Variants in HEY2 observed in about 807,000 individuals in gnomAD.
HEY2 encodes the protein hairy/enhancer-of-split related with YRPW motif protein 2.
A neutral mutation model predicts 18.1 loss-of-function variants in HEY2; 10 were observed. The ratio of observed to expected loss-of-function variants is 0.55; its 90% CI spans 0.34 to 0.94. The LOEUF is 0.94. Ranked by LOEUF, HEY2 falls within the 40% of genes least tolerant of loss-of-function variation. HEY2 has a pLI of 0.02. For synonymous variants in HEY2, 210 were observed against 182.7 expected (o/e 1.15, Z -1.21); for missense variants, 455 against 455.9 (o/e 1.00, Z 0.02).
rs1773766776 is a variant in HEY2 at position 125,760,102 on chromosome 6, G to A, written c.*300G>A. ...GACCGTACCATCCAGCAGTGCATCA[G>A]TATGTCTGAATTGGGGAAGTAAAAT... On this transcript the variant is annotated 3_prime_UTR_variant, in exon 5 of 5. Coordinates refer to ENST00000368364, the MANE Select transcript of HEY2 (RefSeq NM_012259.3). 2.7e-6 allele frequency: 1 copy of A among 370,642 alleles called. No individual in the cohort carries two copies. The highest frequency in any genetic ancestry group is 4.9e-6 in the Non-Finnish European group (1 of 204,372). 23.0% of individuals were successfully genotyped at this position (370,642 alleles called of 1,614,324 possible).
intron 1 of HEY2, among the ~76,000 whole-genome samples, chr6:125,751,014 C>A (rs1435437088): frequency 1.3e-5 from 2 of 152,104 alleles, no homozygotes; most frequent in Non-Finnish European, 2.9e-5. Context: ...AATTATGTGA[C>A]CAAATAATAC....
chr6:125,760,044 G>A lies in HEY2; in HGVS notation c.*242G>A, dbSNP rs1773764831. 2 of 545,050 alleles carry A rather than the reference G, an allele frequency of 3.7e-6. No homozygotes were observed. Among genetic ancestry groups the A allele is most frequent in the Non-Finnish European group, 6.5e-6 (2 of 307,308 alleles). The allele number at this position is 545,050 out of a possible 1,614,324, so 33.8% of individuals were successfully genotyped here. ...AGCAACTTTTGAAAACTTCACACTTGTTACCATTTAGAAGTTTCCTGGAAA... is the reference window on the plus strand; with the variant it reads ...AGCAACTTTTGAAAACTTCACACTTATTACCATTTAGAAGTTTCCTGGAAA... On this transcript the variant is annotated 3_prime_UTR_variant, in exon 5 of 5. Transcript: ENST00000368364.
In HEY2 at chr6:125,759,163, A is replaced by C; in HGVS notation, c.375A>C (p.Gly125=). ...TTGCCATGGACTTCATGAGCATAGG[A>C]TTCCGAGAGTGCCTAACAGAAGTTG... ...HALAMDFMSI[G]FRECLTEVAR... is the part of the protein sequence containing the mutation. Residue 125 remains glycine, a synonymous_variant, in exon 5 of 5, where the codon GGA becomes GGC. Transcript: ENST00000368364. 1.2e-6 allele frequency: 2 copies of C among 1,613,082 alleles called. No individual in the cohort carries two copies. The highest frequency in any genetic ancestry group is 1.7e-6 in the Non-Finnish European group (2 of 1,179,586).
At position 125,760,990 on chromosome 6, in the gene HEY2, G is replaced by A. The variant is rs936346238; in HGVS notation, c.*1188G>A. 2.0e-5 allele frequency: 3 copies of A among 152,470 alleles called. No individual in the cohort carries two copies. Among genetic ancestry groups the A allele is most frequent in the African/African-American group, 4.8e-5 (2 of 41,386 alleles). 9.4% of individuals were successfully genotyped at this position (152,470 alleles called of 1,614,324 possible). The stretch of plus-strand genomic sequence containing the variant: ...ATGGGGTTGTGGTTTTGTTTTTTTC[G>A]ATTTCGTTTAATGACAAAATAATCT... On this transcript the variant is annotated 3_prime_UTR_variant, in exon 5 of 5. Transcript: ENST00000368364.
intron 4 of HEY2, among the ~76,000 whole-genome samples, chr6:125,757,108 A>G (rs916546846): frequency 1.1e-4 from 16 of 152,348 alleles, no homozygotes; most frequent in African/African-American, 3.6e-4. Flanking sequence ...CTGTTAGTTC[A>G]TTCTTTATAG....
Position 125,759,325 on chromosome 6 carries a change from G to C in HEY2, c.537G>C (p.Pro179=). The C allele has an allele frequency of 6.2e-7, 1 of 1,604,938 alleles. No homozygotes were observed. The change falls in exon 5 of 5, where the codon CCG becomes CCC. Residue 179 remains proline, a synonymous_variant. Transcript: ENST00000368364. The part of the protein sequence containing the change: ...MTSSMAHHHH[P]LHPHHWAAAF... ...CCTCCATGGCCCACCACCATCATCC[G>C]CTCCACCCGCATCACTGGGCCGCCG...
intron 1 of HEY2, 45 bp from the exon 2 acceptor site, chr6:125,751,755 AT>A: frequency 3.9e-6 from 5 of 1,270,748 alleles, no homozygotes; most frequent in Non-Finnish European, 5.7e-6. Context: ...AGAAGAAACT[AT>A]TGTTATGTTA....
Position 125,749,855 on chromosome 6 carries a change from T to A in HEY2, c.79T>A (p.Ser27Thr), listed in dbSNP as rs775899596. Residue 27 changes from serine to threonine, a missense_variant, in exon 1 of 5, where the codon TCG becomes ACG. Physicochemically the swap from Ser to Thr is moderately conservative, Grantham distance 58. Coordinates refer to ENST00000368364, the MANE Select transcript of HEY2 (RefSeq NM_012259.3). ...TIDVGSENNY[S>T]GQSTSSVIRL... ...CGACGTGGGGAGCGAGAACAATTAC[T>A]CGGGGTGAGCGCGGGCTCCGCGGGA... 1 of 1,572,344 alleles carries A rather than the reference T, an allele frequency of 6.4e-7. No individual in the cohort carries two copies. The highest frequency in any genetic ancestry group is 1.2e-5 in the South Asian group (1 of 85,262).
At chr6:125,750,245 A>G (rs1562703474) in intron 1 of HEY2, 1 of 984,822 alleles carries the variant, frequency 1.0e-6, no homozygotes, top group African/African-American at 1.7e-5. Flanking sequence ...AAACAATTTG[A>G]TTTTTGATTT....
intron 3 of HEY2, among the ~76,000 whole-genome samples, chr6:125,754,233 G>C (rs1411076419): frequency 1.3e-5 from 2 of 152,068 alleles, no homozygotes; most frequent in African/African-American, 2.4e-5. Context: ...AGTCATTCTA[G>C]TTTCTTTTAG....
At chr6:125,752,113 T>TTGCC in intron 3 of HEY2, 23 bp downstream of exon 3, 1 of 1,258,328 alleles carries the variant, frequency 7.9e-7, no homozygotes, top group Non-Finnish European at 1.1e-6. Flanking sequence ...CTCCCCAGAA[T>TTGCC]CCCCCCACCC....
Position 125,751,834 on chromosome 6 carries a change from T to G in HEY2, c.117T>G (p.Ser39=), listed in dbSNP as rs747349024. The change falls in exon 2 of 5, where the codon TCT becomes TCG. Residue 39 remains serine (S), a synonymous_variant. Coordinates refer to ENST00000368364, the MANE Select transcript of HEY2 (RefSeq NM_012259.3). Reference sequence around the variant, plus strand: ...CTAGCTCTGTGATTAGATTGAATTCTCCAACAACAACATCTCAGATTATGG... The same window carrying G: ...CTAGCTCTGTGATTAGATTGAATTCGCCAACAACAACATCTCAGATTATGG... ...QSTSSVIRLN[S]PTTTSQIMAR... is the part of the protein sequence containing the mutation. 2.2e-5 allele frequency: 35 copies of G among 1,613,518 alleles called. No homozygotes were observed. Among genetic ancestry groups the G allele is most frequent in the Non-Finnish European group, 3.0e-5 (35 of 1,179,592 alleles).
intron 3 of HEY2, among the ~76,000 whole-genome samples, chr6:125,753,534 A>G (rs1773593227): frequency 6.6e-6 from 1 of 152,110 alleles, no homozygotes; most frequent in Non-Finnish European, 1.5e-5. Context: ...AGTAAAGCAT[A>G]GGGACCTGAA....
chr6:125,751,758 G>C (rs766552559), intron 1 of HEY2, 43 bp from the exon 2 acceptor site: 1 of 1,311,636 alleles, frequency 7.6e-7, no homozygotes, highest in Non-Finnish European at 1.1e-6. Context: ...AGAAACTATT[G>C]TTATGTTAAT....
Position 125,759,527 on chromosome 6 carries a change from G to C in HEY2, c.739G>C (p.Ala247Pro). The change falls in exon 5 of 5, where the codon GCC becomes CCC. Residue 247 changes from alanine to proline, a missense_variant. Coordinates refer to ENST00000368364, the MANE Select transcript of HEY2 (RefSeq NM_012259.3). ...ALRMPSTGSV[A>P]PCVPPLSTSL... The stretch of plus-strand genomic sequence containing the variant: ...CCGAATGCCATCCACGGGCAGCGTC[G>C]CCCCCTGCGTGCCACCTCTCTCCAC... 1 of 1,610,770 alleles carries C rather than the reference G, an allele frequency of 6.2e-7. No individual in the cohort carries two copies. Among genetic ancestry groups the C allele is most frequent in the South Asian group, 1.1e-5 (1 of 91,082 alleles).
At position 125,760,142 on chromosome 6, in the gene HEY2, C is replaced by A. The variant is rs1270646751; in HGVS notation, c.*340C>A. On this transcript the variant is annotated 3_prime_UTR_variant, in exon 5 of 5. Transcript: ENST00000368364. ...GGAAGTAAAATGCCCTGACTGAATT[C>A]TCTTGAGACTAGATGGGACATACAT... 1 of 297,672 alleles carries A rather than the reference C, an allele frequency of 3.4e-6. No individual in the cohort carries two copies. Among genetic ancestry groups the A allele is most frequent in the East Asian group, 8.9e-5 (1 of 11,250 alleles). 18.4% of individuals were successfully genotyped at this position (297,672 alleles called of 1,614,324 possible).
At position 125,749,848 on chromosome 6, in the gene HEY2, C is replaced by CAATT; in HGVS notation, c.74_77dup (p.Tyr26Ter). On this transcript the variant is annotated frameshift_variant, in exon 1 of 5. Transcript: ENST00000368364. LOFTEE classifies it high-confidence loss of function. ...AGACCATCGACGTGGGGAGCGAGAA[C>CAATT]AATTACTCGGGGTGAGCGCGGGCTC... is the stretch of plus-strand genomic sequence containing the variant. The CAATT allele has an allele frequency of 6.3e-7, 1 of 1,578,404 alleles. No homozygotes were observed. Among genetic ancestry groups the CAATT allele is most frequent in the South Asian group, 1.2e-5 (1 of 85,804 alleles).
Position 125,749,862 on chromosome 6 carries a change from G to A in HEY2, c.83+3G>A. The A allele has an allele frequency of 6.4e-7, 1 of 1,567,640 alleles. No homozygotes were observed. Among genetic ancestry groups the A allele is most frequent in the East Asian group, 2.4e-5 (1 of 41,706 alleles). ...GGGAGCGAGAACAATTACTCGGGGT[G>A]AGCGCGGGCTCCGCGGGAGCGGCCC... On this transcript the variant is annotated splice_donor_region_variant and intron_variant, in intron 1 of 4. Coordinates refer to ENST00000368364, the MANE Select transcript of HEY2 (RefSeq NM_012259.3).
intron 3 of HEY2, among the ~76,000 whole-genome samples, chr6:125,753,898 T>A (rs1212903022): frequency 1.3e-5 from 2 of 152,224 alleles, no homozygotes; most frequent in African/African-American, 2.4e-5. Flanking sequence ...TTTTAAAATT[T>A]TTGGATCTGC....
Sources: gnomAD v4.1 joint callset for allele counts (sites outside exome capture counted in the v4.1 genomes callset) on GRCh38, gnomAD v4.1.1 for gene constraint, MANE v1.5 for transcripts, NCBI Gene and HGNC (gene_info 2026-07-23, HGNC 2026-07-21) for gene names.